CNTNAP5: variants seen among roughly 807,000 people sequenced by gnomAD.
CNTNAP5 encodes the protein contactin associated protein family member 5.
CNTNAP5 carries 72 observed loss-of-function variants against 150.2 expected under a neutral mutation model. That is an observed-to-expected ratio of 0.48 (90% CI 0.40 to 0.58). The LOEUF is 0.58. CNTNAP5 is among the 20% of genes least tolerant of loss of function. The probability of loss-of-function intolerance (pLI) is 0.00; values close to 1 mark genes in which losing one functional copy is unlikely to be tolerated. For missense variants in CNTNAP5, 1,636 were observed against 1,626.2 expected (o/e 1.01, Z -0.10); for synonymous variants, 672 against 619.8 (o/e 1.08, Z -1.25).
chr2:124,373,765 T>A (rs1690583593), intron 3 of CNTNAP5, among the ~76,000 whole-genome samples: 1 of 151,916 alleles, frequency 6.6e-6, no homozygotes, highest in Non-Finnish European at 1.5e-5. Flanking sequence ...CACAAAAATT[T>A]CTGTATGAAG....
intron 7 of CNTNAP5, among the ~76,000 whole-genome samples, chr2:124,490,691 C>A (rs35167203): frequency 0.21 from 31,479 of 151,866 alleles, 3,600 homozygotes; most frequent in East Asian, 0.34. Context: ...ATGTCTGGTG[C>A]AAACTGTGAT....
intron 13 of CNTNAP5, among the ~76,000 whole-genome samples, chr2:124,716,511 A>G (rs1679947549): frequency 6.6e-6 from 1 of 151,678 alleles, no homozygotes; most frequent in East Asian, 1.9e-4. Flanking sequence ...ATTATATTAA[A>G]AATTCTAAAT....
rs376323846 is a variant in CNTNAP5 at position 124,297,809 on chromosome 2, A to ATTTT, written c.381+55419_381+55420insTTTT. 2.9e-3 allele frequency among the ~76,000 whole-genome samples: 280 copies of ATTTT among 95,250 alleles called. 1 individual carries two copies. Among genetic ancestry groups the ATTTT allele is most frequent in the East Asian group, 3.8e-3 (14 of 3,702 alleles). The allele number at this position is 95,250 out of a possible 152,430, so 62.5% of individuals were successfully genotyped here. On this transcript the variant is annotated intron_variant, in intron 3 of 23. Transcript: ENST00000682447. ...TAAGCCAGGCAATCCACATCCAATT[A>ATTTT]TTTATTATTATTATTATTATTATTA...
intron 1 of CNTNAP5, among the ~76,000 whole-genome samples, chr2:124,174,778 C>A (rs1428017334): frequency 6.6e-6 from 1 of 152,156 alleles, no homozygotes; most frequent in Non-Finnish European, 1.5e-5. Flanking sequence ...AAAAGGCTAT[C>A]AAAGAGCATC....
chr2:124,401,533 T>C (rs1048159924), intron 3 of CNTNAP5, among the ~76,000 whole-genome samples: 1 of 152,254 alleles, frequency 6.6e-6, no homozygotes, highest in African/African-American at 2.4e-5. Flanking sequence ...AGAAACTTCA[T>C]TCTAAATTAG....
At chr2:124,392,317 G>A (rs1385630794) in intron 3 of CNTNAP5, among the ~76,000 whole-genome samples, 1 of 152,062 alleles carries the variant, frequency 6.6e-6, no homozygotes, top group East Asian at 1.9e-4. Flanking sequence ...CCATGATGAT[G>A]GAAAGAAATA....
chr2:124,202,689 A>G (rs1263250123), intron 1 of CNTNAP5, among the ~76,000 whole-genome samples: 1 of 152,226 alleles, frequency 6.6e-6, no homozygotes, highest in African/African-American at 2.4e-5. Flanking sequence ...GAGTAAAGAC[A>G]TGTCTTACAT....
chr2:124,913,957 G>A (rs1271438138), intron 23 of CNTNAP5, 135 bp from the exon 24 acceptor site: 7 of 586,536 alleles, frequency 1.2e-5, no homozygotes, highest in African/African-American at 3.8e-5. Context: ...TGGGCAGGTG[G>A]CAGAGTTGCG....
chr2:124,264,872 A>C (rs564810571), intron 3 of CNTNAP5, among the ~76,000 whole-genome samples: 5 of 152,158 alleles, frequency 3.3e-5, no homozygotes, highest in African/African-American at 7.2e-5. Context: ...AAGTGTGTGC[A>C]TGGGCACGTG....
intron 1 of CNTNAP5, among the ~76,000 whole-genome samples, chr2:124,133,661 C>T (rs1343217866): frequency 6.6e-6 from 1 of 152,078 alleles, no homozygotes; most frequent in Non-Finnish European, 1.5e-5. Flanking sequence ...TTCTGTGGAG[C>T]ACCAGTAGTG....
chr2:124,594,091 G>A (rs1328498580), intron 11 of CNTNAP5, among the ~76,000 whole-genome samples: 1 of 124,186 alleles, frequency 8.1e-6, no homozygotes, highest in African/African-American at 3.0e-5. Context: ...CAGGTTGCCT[G>A]TTCACTCTGA....
intron 3 of CNTNAP5, among the ~76,000 whole-genome samples, chr2:124,249,787 T>C (rs1211903752): frequency 1.3e-5 from 2 of 152,192 alleles, no homozygotes; most frequent in Non-Finnish European, 2.9e-5. Context: ...TTTACAGAGT[T>C]TGACTCTTTT....
At chr2:124,669,314 A>G (rs1371119654) in intron 13 of CNTNAP5, among the ~76,000 whole-genome samples, 2 of 152,232 alleles carry the variant, frequency 1.3e-5, no homozygotes, top group Non-Finnish European at 1.5e-5. Flanking sequence ...TGGCAATACT[A>G]GGAGATCATT....
intron 19 of CNTNAP5, among the ~76,000 whole-genome samples, chr2:124,818,986 T>A (rs1345238229): frequency 6.6e-6 from 1 of 151,990 alleles, no homozygotes; most frequent in African/African-American, 2.4e-5. Context: ...TTCATGTAGA[T>A]CCCTTGTCTG....
At chr2:124,875,916 A>G (rs567476647) in intron 21 of CNTNAP5, among the ~76,000 whole-genome samples, 2 of 152,174 alleles carry the variant, frequency 1.3e-5, no homozygotes, top group South Asian at 4.1e-4. Flanking sequence ...AGAGAAAACA[A>G]TAGTTGGTGA....
rs1006109555 is a variant in CNTNAP5, at chr2:124,915,217, C to G, written c.*929C>G. 2 of 162,388 alleles carry G rather than the reference C, an allele frequency of 1.2e-5. No individual in the cohort carries two copies. Among genetic ancestry groups the G allele is most frequent in the Admixed American group, 1.3e-4 (2 of 14,886 alleles). The allele number at this position is 162,388 out of a possible 1,614,324, so 10.1% of individuals were successfully genotyped here. A position where few individuals can be genotyped will look rare whatever the true frequency, so the allele number is the denominator to read the frequency against. On this transcript the variant is annotated 3_prime_UTR_variant, in exon 24 of 24. Coordinates refer to ENST00000682447, the MANE Select transcript of CNTNAP5 (RefSeq NM_001367498.1). ...ATATACACACACACACACACACACA[C>G]ATATATATATATACACACACGCACA...
chr2:124,318,906 G>A (rs1326284731), intron 3 of CNTNAP5, among the ~76,000 whole-genome samples: 1 of 152,108 alleles, frequency 6.6e-6, no homozygotes, highest in East Asian at 1.9e-4. Flanking sequence ...TGTCATCAAA[G>A]CTCAACTCTC....
intron 13 of CNTNAP5, among the ~76,000 whole-genome samples, chr2:124,746,695 C>G (rs1422111361): frequency 6.6e-6 from 1 of 152,154 alleles, no homozygotes; most frequent in Non-Finnish European, 1.5e-5. Flanking sequence ...CTACCCAGAA[C>G]TGAGGACAGA....
intron 20 of CNTNAP5, 39 bp from the exon 21 acceptor site, chr2:124,869,636 A>G (rs1285000350): frequency 2.2e-6 from 3 of 1,341,300 alleles, no homozygotes; most frequent in Non-Finnish European, 3.2e-6. Context: ...TTACCTGCAG[A>G]CCTCTGCTGA....
Sources: allele counts gnomAD v4.1 joint callset (sites outside exome capture counted in the v4.1 genomes callset), GRCh38; gene constraint gnomAD v4.1.1; transcripts MANE v1.5; gene names NCBI Gene and HGNC (gene_info 2026-07-23, HGNC 2026-07-21).